CLPTM1L: variants seen among roughly 807,000 people sequenced by gnomAD.
The protein encoded by CLPTM1L is lipid scramblase CLPTM1L.
CLPTM1L carries 38 observed loss-of-function variants against 70.9 expected under a neutral mutation model. The ratio of observed to expected loss-of-function variants is 0.54; its 90% confidence interval spans 0.41 to 0.70. The LOEUF is 0.70. Ranked by LOEUF, CLPTM1L falls within the 30% of genes least tolerant of loss-of-function variation. CLPTM1L has a pLI of 0.00. For missense variants in CLPTM1L, 652 were observed against 705.9 expected, an observed-to-expected ratio of 0.92 and a Z score of 0.87; for synonymous variants, 339 against 299.9, an observed-to-expected ratio of 1.13 and a Z score of -1.35.
chr5:1,324,160 A>C, intron 11 of CLPTM1L: 2 of 439,806 alleles, frequency 4.5e-6, no homozygotes, highest in African/African-American at 2.0e-5. Context: ...AGATCAATAA[A>C]CATAATGGAA....
intron 4 of CLPTM1L, 95 bp from the exon 5 acceptor site, chr5:1,338,077 G>T: frequency 9.9e-7 from 1 of 1,008,758 alleles, no homozygotes; most frequent in East Asian, 2.5e-5. Flanking sequence ...CCAGAGAAGT[G>T]CCCCCAGCAC....
At chr5:1,335,346 G>A (rs1334631501) in intron 5 of CLPTM1L, among the ~76,000 whole-genome samples, 172 bp from the exon 6 acceptor site, 1 of 152,200 alleles carries the variant, frequency 6.6e-6, no homozygotes, top group African/African-American at 2.4e-5. Context: ...ACAGGCCTCA[G>A]GCCCCAGCGT....
Position 1,331,065 on chromosome 5 carries a change from A to ACAGGACAC in CLPTM1L, c.977-690_977-683dup, listed in dbSNP as rs1174315001. On this transcript the variant is annotated intron_variant, in intron 8 of 16. Transcript: ENST00000320895. ...GCCAAATGCTCCTCACTCCTAACCA[A>ACAGGACAC]CAGGACACACCCACTCCTCGTCCTC... The ACAGGACAC allele has an allele frequency of 2.0e-5, 3 of 153,106 alleles. No individual in the cohort carries two copies. The East Asian group carries it at 5.8e-4, about 30-fold the overall frequency. The allele number at this position is 153,106 out of a possible 1,614,324, so 9.5% of individuals were successfully genotyped here. A position where few individuals can be genotyped will look rare whatever the true frequency, so the allele number is the denominator to read the frequency against.
intron 7 of CLPTM1L, 76 bp from the exon 8 acceptor site, chr5:1,331,959 G>A (rs1302547229): frequency 1.4e-5 from 17 of 1,192,826 alleles, no homozygotes; most frequent in East Asian, 2.4e-5. Flanking sequence ...TAGAGGCTTC[G>A]TGTGTGACCG....
In CLPTM1L at chr5:1,322,925, A is replaced by C; in HGVS notation, c.1281-14T>G. ...CAGGAGTACCAGCTGAAACGGAAAA[A>C]AAAGGAGAAGTCCTATTTCTCGCAT... On this transcript the variant is annotated splice_polypyrimidine_tract_variant and intron_variant, in intron 12 of 16. Coordinates refer to ENST00000320895, the MANE Select transcript of CLPTM1L (RefSeq NM_030782.5). 6.2e-7 allele frequency: 1 copy of C among 1,613,224 alleles called. No homozygotes were observed. Among genetic ancestry groups the C allele is most frequent in the Non-Finnish European group, 8.5e-7 (1 of 1,179,210 alleles).
intron 3 of CLPTM1L, among the ~76,000 whole-genome samples, chr5:1,341,266 C>G (rs1305517372): frequency 6.6e-6 from 1 of 152,188 alleles, no homozygotes; most frequent in South Asian, 2.1e-4. Context: ...GAATAAACAT[C>G]TAGGAATAGC....
At chr5:1,329,161 G>A (rs559455471) in intron 9 of CLPTM1L, among the ~76,000 whole-genome samples, 6 of 152,222 alleles carry the variant, frequency 3.9e-5, no homozygotes, top group Non-Finnish European at 8.8e-5. Flanking sequence ...GAAGGCCATC[G>A]CCCCCCTCAA....
At position 1,321,840 on chromosome 5, in the gene CLPTM1L, C is replaced by G. The variant is rs573023921; in HGVS notation, c.1316-21G>C. On this transcript the variant is annotated intron_variant, in intron 13 of 16. Transcript: ENST00000320895. Reference sequence around the variant, plus strand: ...GACCCCTGCAGAAAGACAGACAGCACTCACGAGGTGCGGAGGGCCGGGCTG... The same window carrying G: ...GACCCCTGCAGAAAGACAGACAGCAGTCACGAGGTGCGGAGGGCCGGGCTG... 11 of 1,610,516 alleles carry G rather than the reference C, an allele frequency of 6.8e-6. No individual in the cohort carries two copies. In the East Asian group the frequency reaches 2.2e-4, roughly 33 times the overall value.
intron 13 of CLPTM1L, among the ~76,000 whole-genome samples, chr5:1,322,232 C>T (rs1752199452): frequency 6.6e-6 from 1 of 152,188 alleles, no homozygotes; most frequent in Admixed American, 6.5e-5. Context: ...AGGCCCTCGC[C>T]CTTAATGCTC....
intron 7 of CLPTM1L, among the ~76,000 whole-genome samples, chr5:1,333,906 G>T (rs1264286735): frequency 6.6e-6 from 1 of 152,086 alleles, no homozygotes; most frequent in African/African-American, 2.4e-5. Context: ...AGGCTGCCCA[G>T]CTCCGCCCCT....
intron 11 of CLPTM1L, among the ~76,000 whole-genome samples, chr5:1,324,545 G>T (rs930415008): frequency 6.6e-6 from 1 of 152,228 alleles, no homozygotes; most frequent in Non-Finnish European, 1.5e-5. Flanking sequence ...ACACAGGCAG[G>T]CTGTGCCTGT....
At chr5:1,319,612 G>A (rs1265967622) in intron 16 of CLPTM1L, among the ~76,000 whole-genome samples, 1 of 152,218 alleles carries the variant, frequency 6.6e-6, no homozygotes, top group Non-Finnish European at 1.5e-5. Context: ...CCTGGGGGAA[G>A]AGGATCCCTC....
chr5:1,321,124 T>C lies in CLPTM1L; in HGVS notation c.1417-393A>G, dbSNP rs113130583. 6.1e-4 allele frequency among the ~76,000 whole-genome samples: 93 copies of C among 152,264 alleles called. 2 individuals carry two copies. Among genetic ancestry groups the C allele is most frequent in the African/African-American group, 2.2e-3 (93 of 41,546 alleles). On this transcript the variant is annotated intron_variant, in intron 15 of 16. Transcript: ENST00000320895. ...GCCAAGGGCAGAGCCACCTGAGCAT[T>C]GCCCTTTCCTCTGGGAGCTTGTAAT...
chr5:1,329,321 C>G (rs901488150), intron 9 of CLPTM1L, among the ~76,000 whole-genome samples: 3 of 152,274 alleles, frequency 2.0e-5, no homozygotes, highest in Admixed American at 6.5e-5. Flanking sequence ...AGCCACAGCA[C>G]GAGCCTCTCA....
intron 7 of CLPTM1L, among the ~76,000 whole-genome samples, chr5:1,333,658 AC>A (rs1753326511): frequency 2.9e-5 from 3 of 103,504 alleles, no homozygotes; most frequent in East Asian, 3.5e-4. Context: ...CTGTATACAC[AC>A]CGGCTGAGGA....
At chr5:1,333,740 T>C (rs978823909) in intron 7 of CLPTM1L, among the ~76,000 whole-genome samples, 79 of 95,196 alleles carry the variant, frequency 8.3e-4, no homozygotes, top group Non-Finnish European at 9.2e-4. Context: ...CGGATGAGGA[T>C]AAGGGGGGAC....
chr5:1,320,663 G>A lies in CLPTM1L; in HGVS notation c.1485C>T (p.Ala495=). ...IITMPTSHRL[A]CFRDDVVFLV... is the part of the protein sequence containing the mutation. ...GAAACACCACGTCGTCCCGGAAGCAGGCCAGCCGGTGAGACGTGGGCATGG... is the reference window on the plus strand; with the variant it reads ...GAAACACCACGTCGTCCCGGAAGCAAGCCAGCCGGTGAGACGTGGGCATGG... Residue 495 remains alanine (A), a synonymous_variant, in exon 16 of 17, where the codon GCC becomes GCT. Transcript: ENST00000320895. The A allele has an allele frequency of 6.5e-7, 1 of 1,548,044 alleles. No homozygotes were observed. Among genetic ancestry groups the A allele is most frequent in the Non-Finnish European group, 8.7e-7 (1 of 1,145,336 alleles).
At chr5:1,323,200 G>C (rs1040767851) in intron 12 of CLPTM1L, among the ~76,000 whole-genome samples, 1 of 151,002 alleles carries the variant, frequency 6.6e-6, no homozygotes, top group African/African-American at 2.4e-5. Flanking sequence ...TCTCAGCTCA[G>C]GGCCAGCACC....
intron 10 of CLPTM1L, 64 bp from the exon 11 acceptor site, chr5:1,324,877 G>A (rs973439199): frequency 6.8e-7 from 1 of 1,466,958 alleles, no homozygotes; most frequent in Non-Finnish European, 9.6e-7. Flanking sequence ...CAGCTGAGCT[G>A]TGACTAAGGG....
Sources: gnomAD v4.1 joint callset for allele counts (sites outside exome capture counted in the v4.1 genomes callset) on GRCh38, gnomAD v4.1.1 for gene constraint, MANE v1.5 for transcripts, NCBI Gene and HGNC (gene_info 2026-07-23, HGNC 2026-07-21) for gene names.